Variants in ZNG1B observed in about 807,000 individuals in gnomAD.
The protein encoded by ZNG1B is Zn regulated GTPase metalloprotein activator 1B.
At chr2:113,462,499 G>A in the ZNG1B span, 33 of 1,592,570 alleles carry the variant, frequency 2.1e-5, no homozygotes, top group Admixed American at 1.2e-4. Flanking sequence ...AATTAGGTAC[G>A]AAATGATAAG....
the ZNG1B span, chr2:113,456,935 A>G: frequency 4.6e-6 from 2 of 437,560 alleles, no homozygotes; most frequent in South Asian, 1.6e-5. Flanking sequence ...GCCCATCACA[A>G]GTAAAGCTGA....
the ZNG1B span, among the ~76,000 whole-genome samples, chr2:113,442,570 A>G: frequency 6.6e-6 from 1 of 152,210 alleles, no homozygotes; most frequent in Non-Finnish European, 1.5e-5. Flanking sequence ...TTATCATCTT[A>G]TTAAATAACC....
the ZNG1B span, among the ~76,000 whole-genome samples, chr2:113,468,071 G>A: frequency 6.6e-6 from 1 of 151,876 alleles, no homozygotes; most frequent in Non-Finnish European, 1.5e-5. Flanking sequence ...GGAGCAACAG[G>A]TCGGGTAGTG....
the ZNG1B span, among the ~76,000 whole-genome samples, chr2:113,446,011 A>G: frequency 6.6e-6 from 1 of 151,880 alleles, no homozygotes; most frequent in East Asian, 1.9e-4. Flanking sequence ...GAATTAGGCT[A>G]TTTTGGTCCT....
the ZNG1B span, among the ~76,000 whole-genome samples, chr2:113,458,302 A>G: frequency 1.8e-3 from 281 of 152,330 alleles, 1 homozygote; most frequent in African/African-American, 6.6e-3. Flanking sequence ...AGGAAGTCAC[A>G]TGAGGGAAGT....
At chr2:113,481,964 T>G in the ZNG1B span, 1 of 753,480 alleles carries the variant, frequency 1.3e-6, no homozygotes, top group Non-Finnish European at 2.1e-6. Context: ...TGTATATATA[T>G]GAATGTGTGG....
chr2:113,467,124 C>T, the ZNG1B span, among the ~76,000 whole-genome samples: 1 of 151,178 alleles, frequency 6.6e-6, no homozygotes, highest in South Asian at 2.1e-4. Flanking sequence ...GTCAAAGTCA[C>T]TCTTACAGAA....
chr2:113,450,738 A>T, the ZNG1B span, among the ~76,000 whole-genome samples: 1 of 147,754 alleles, frequency 6.8e-6, no homozygotes, highest in Admixed American at 6.9e-5. Context: ...ATATGCATAC[A>T]TGTTTCTTCT....
chr2:113,444,875 G>C, the ZNG1B span: 11 of 1,563,936 alleles, frequency 7.0e-6, no homozygotes, highest in Non-Finnish European at 9.6e-6. Context: ...CTTTTGTCTT[G>C]GGTTGTTGAA....
the ZNG1B span, among the ~76,000 whole-genome samples, chr2:113,472,023 G>T: frequency 6.6e-6 from 1 of 150,760 alleles, no homozygotes; most frequent in South Asian, 2.1e-4. Context: ...TGGGTCAAAT[G>T]GTATTTCTAG....
chr2:113,474,359 C>T, the ZNG1B span, among the ~76,000 whole-genome samples: 198 of 148,632 alleles, frequency 1.3e-3, no homozygotes, highest in African/African-American at 4.4e-3. Context: ...TTTATTGCGT[C>T]TATTTGATTC....
the ZNG1B span, chr2:113,455,623 A>G: frequency 4.7e-6 from 6 of 1,287,020 alleles, no homozygotes; most frequent in Non-Finnish European, 6.1e-6. Context: ...CAATCTGAGC[A>G]TATGGATAGG....
At chr2:113,469,390 CCTTGG>C in the ZNG1B span, 15 of 148,668 alleles carry the variant, frequency 1.0e-4, no homozygotes, top group African/African-American at 3.7e-4. Flanking sequence ...GATCCGCCCA[CCTTGG>C]CCTCCCAAAG....
At chr2:113,472,913 G>T in the ZNG1B span, among the ~76,000 whole-genome samples, 19 of 143,650 alleles carry the variant, frequency 1.3e-4, no homozygotes, top group East Asian at 3.5e-3. Flanking sequence ...TTGAAGTCAG[G>T]TAGTGTGATG....
At chr2:113,477,775 A>G in the ZNG1B span, among the ~76,000 whole-genome samples, 1 of 152,066 alleles carries the variant, frequency 6.6e-6, no homozygotes, top group Non-Finnish European at 1.5e-5. Context: ...GGAACGTTTC[A>G]CTCTTTATAA....
the ZNG1B span, chr2:113,437,972 A>G: frequency 1.9e-6 from 3 of 1,611,948 alleles, no homozygotes; most frequent in Non-Finnish European, 2.5e-6. Flanking sequence ...GAGGAGGAAA[A>G]GTCTGGCCTC....
chr2:113,453,505 G>A, the ZNG1B span, among the ~76,000 whole-genome samples: 58 of 150,762 alleles, frequency 3.8e-4, no homozygotes, highest in African/African-American at 6.3e-4. Context: ...CGCCAGCCTC[G>A]GCCTCCCAAA....
At chr2:113,462,901 G>GT in the ZNG1B span, 2,410 of 156,708 alleles carry the variant, frequency 0.015, 9 homozygotes, top group Middle Eastern at 0.035. Flanking sequence ...TTCTTGTTCT[G>GT]TTTTTTTTTT....
the ZNG1B span, among the ~76,000 whole-genome samples, chr2:113,461,983 T>C: frequency 6.6e-6 from 1 of 152,052 alleles, no homozygotes; most frequent in Non-Finnish European, 1.5e-5. Context: ...TTTTGGTAAA[T>C]ATTACAGTAT....
Sources: gnomAD v4.1 joint callset for allele counts (sites outside exome capture counted in the v4.1 genomes callset) on GRCh38, gnomAD v4.1.1 for gene constraint, MANE v1.5 for transcripts, NCBI Gene and HGNC (gene_info 2026-07-23, HGNC 2026-07-21) for gene names.